The following COL27A1 variants were observed in gnomAD, a reference collection of about 807,000 sequenced individuals.
COL27A1 encodes collagen alpha-1(XXVII) chain.
Under a neutral mutation model 251.3 loss-of-function variants are expected in COL27A1, and 106 were observed. That is an observed-to-expected ratio of 0.42 (90% CI 0.36 to 0.50). COL27A1 has a LOEUF of 0.50. Ranked by LOEUF, COL27A1 falls within the 20% of genes least tolerant of loss-of-function variation. The probability of loss-of-function intolerance (pLI) is 0.00; values close to 1 mark genes in which losing one functional copy is unlikely to be tolerated. For synonymous variants in COL27A1, 1,000 were observed against 986.3 expected, an observed-to-expected ratio of 1.01 and a Z score of -0.26; for missense variants, 2,325 against 2,522.8, an observed-to-expected ratio of 0.92 and a Z score of 1.68.
intron 1 of COL27A1, among the ~76,000 whole-genome samples, chr9:114,160,153 C>CT (rs1848391477): frequency 2.3e-5 from 3 of 129,902 alleles, no homozygotes; most frequent in African/African-American, 9.1e-5. Flanking sequence ...TTTTTAAAGT[C>CT]TATTTTTTTT....
chr9:114,194,655 G>T (rs751813979), intron 6 of COL27A1, among the ~76,000 whole-genome samples, 198 bp downstream of exon 6: 2 of 152,208 alleles, frequency 1.3e-5, no homozygotes, highest in Non-Finnish European at 2.9e-5. Context: ...CCCACCCAAG[G>T]TTATTCCCAG....
intron 12 of COL27A1, among the ~76,000 whole-genome samples, 175 bp from the exon 13 acceptor site, chr9:114,219,616 G>A (rs1830941217): frequency 6.6e-6 from 1 of 152,142 alleles, no homozygotes; most frequent in Non-Finnish European, 1.5e-5. Context: ...AATTCTTTAT[G>A]TTCAGGTGCT....
chr9:114,222,383 A>G (rs921351035), intron 14 of COL27A1, 116 bp downstream of exon 14: 7 of 963,686 alleles, frequency 7.3e-6, no homozygotes, highest in Non-Finnish European at 1.1e-5. Context: ...CCCTTCTCTC[A>G]TCAAACCCCC....
intron 12 of COL27A1, among the ~76,000 whole-genome samples, chr9:114,219,205 G>T (rs1192560119): frequency 6.6e-6 from 1 of 152,158 alleles, no homozygotes; most frequent in Admixed American, 6.5e-5. Flanking sequence ...TGCCTGGGCC[G>T]GGCAGCTCAG....
chr9:114,159,244 T>C (rs2808784), intron 1 of COL27A1, among the ~76,000 whole-genome samples: 27,710 of 152,230 alleles, frequency 0.18, 2,658 homozygotes, highest in Middle Eastern at 0.28. Flanking sequence ...GGACTTCTTC[T>C]TCCTGATTTT....
chr9:114,235,079 CAAA>C (rs34337576), intron 16 of COL27A1, among the ~76,000 whole-genome samples: 2 of 88,250 alleles, frequency 2.3e-5, no homozygotes, highest in East Asian at 7.1e-4. Context: ...GACTCCATCT[CAAA>C]AAAAAAAAAA....
chr9:114,272,817 T>G (rs1835233940), intron 36 of COL27A1: 1 of 152,190 alleles, frequency 6.6e-6, no homozygotes, highest in African/African-American at 2.4e-5. Flanking sequence ...TTAGGCAGCA[T>G]AACCCGAGGG....
intron 28 of COL27A1, among the ~76,000 whole-genome samples, chr9:114,258,972 C>T (rs1451743035): frequency 1.3e-5 from 2 of 152,210 alleles, no homozygotes; most frequent in Non-Finnish European, 2.9e-5. Context: ...AGCCAGTCAA[C>T]AAGTGAATCA....
At chr9:114,207,801 C>T (rs1192079772) in intron 10 of COL27A1, among the ~76,000 whole-genome samples, 2 of 152,224 alleles carry the variant, frequency 1.3e-5, no homozygotes, top group African/African-American at 4.8e-5. Flanking sequence ...CACTGGGCCT[C>T]TCTGAGCCAA....
Position 114,288,739 on chromosome 9 carries a change from GA to G in COL27A1, c.4083del (p.Asp1362ThrfsTer205). Reference sequence around the variant, plus strand: ...GATCGAGGAGACCGCGGGGAACCGGGAGACCCTGGGTACCCTGTAAGTATCA... The same window carrying G: ...GATCGAGGAGACCGCGGGGAACCGGGGACCCTGGGTACCCTGTAAGTATCA... ...VGDRGDRGEP[G>X]DPGYPGQEGV... is the part of the protein sequence containing the mutation. On this transcript the variant is annotated frameshift_variant, in exon 43 of 61. Coordinates refer to ENST00000356083, the MANE Select transcript of COL27A1 (RefSeq NM_032888.4). LOFTEE classifies it high-confidence loss of function. 6.2e-7 allele frequency: 1 copy of G among 1,610,990 alleles called. No individual in the cohort carries two copies. Among genetic ancestry groups the G allele is most frequent in the Non-Finnish European group, 8.5e-7 (1 of 1,177,556 alleles).
intron 3 of COL27A1, among the ~76,000 whole-genome samples, chr9:114,176,442 T>C (rs1047442539): frequency 3.3e-5 from 5 of 152,112 alleles, no homozygotes; most frequent in Admixed American, 3.3e-4. Context: ...AGATTATCTG[T>C]CGGCTAGGTG....
chr9:114,215,313 C>T (rs1174975893), intron 12 of COL27A1, among the ~76,000 whole-genome samples: 1 of 152,234 alleles, frequency 6.6e-6, no homozygotes, highest in Non-Finnish European at 1.5e-5. Context: ...CAGAGAATTC[C>T]TATTTCCAAG....
chr9:114,209,529 C>G, intron 10 of COL27A1, 146 bp from the exon 11 acceptor site: 1 of 804,132 alleles, frequency 1.2e-6, no homozygotes, highest in Non-Finnish European at 2.3e-6. Context: ...CCTATGTCAT[C>G]GAGGAGCCAC....
intron 8 of COL27A1, 58 bp from the exon 9 acceptor site, chr9:114,205,701 A>G: frequency 6.7e-7 from 1 of 1,491,610 alleles, no homozygotes; most frequent in Non-Finnish European, 9.4e-7. Flanking sequence ...AGGGTCCCCC[A>G]GACCCAGAGC....
Position 114,293,454 on chromosome 9 carries a change from G to A in COL27A1, c.4584+1244G>A, listed in dbSNP as rs566042735. On this transcript the variant is annotated intron_variant, in intron 49 of 60. Coordinates refer to ENST00000356083, the MANE Select transcript of COL27A1 (RefSeq NM_032888.4). Reference sequence around the variant, plus strand: ...AGACAGGTCTCAAATAAATGGTCTCGGATTCCGTCTTAAGAAACTGGGGGT... The same window carrying A: ...AGACAGGTCTCAAATAAATGGTCTCAGATTCCGTCTTAAGAAACTGGGGGT... 5.3e-5 allele frequency among the ~76,000 whole-genome samples: 8 copies of A among 151,846 alleles called. 1 individual carries two copies. Among genetic ancestry groups the A allele is most frequent in the Admixed American group, 2.6e-4 (4 of 15,254 alleles).
intron 5 of COL27A1, among the ~76,000 whole-genome samples, chr9:114,185,174 C>G (rs565140790): frequency 6.6e-6 from 1 of 152,328 alleles, no homozygotes; most frequent in South Asian, 2.1e-4. Context: ...ACCACTGAGG[C>G]TCCTCCCTAG....
intron 53 of COL27A1, 27 bp from the exon 54 acceptor site, chr9:114,301,418 C>T: frequency 6.2e-7 from 1 of 1,612,224 alleles, no homozygotes; most frequent in Non-Finnish European, 8.5e-7. Flanking sequence ...TTCCCTAACT[C>T]TCTCCCCTGC....
At chr9:114,288,833 C>T in intron 43 of COL27A1, 78 bp downstream of exon 43, 5 of 1,604,920 alleles carry the variant, frequency 3.1e-6, no homozygotes, top group Non-Finnish European at 3.4e-6. Context: ...CTAGAAAGAA[C>T]AAGAACTTCC....
chr9:114,219,765 T>G, intron 12 of COL27A1, 26 bp from the exon 13 acceptor site: 1 of 1,562,670 alleles, frequency 6.4e-7, no homozygotes, highest in Non-Finnish European at 8.8e-7. Flanking sequence ...AACCTACAGA[T>G]GTTTGTTCTC....
Sources: gnomAD v4.1 joint callset for allele counts (sites outside exome capture counted in the v4.1 genomes callset) on GRCh38, gnomAD v4.1.1 for gene constraint, MANE v1.5 for transcripts, NCBI Gene and HGNC (gene_info 2026-07-23, HGNC 2026-07-21) for gene names.